RSPH3: variants seen among roughly 807,000 people sequenced by gnomAD.
The protein encoded by RSPH3 is radial spoke head 3.
In RSPH3, 21 loss-of-function variants were observed where a neutral mutation model predicts 43.8. The observed-to-expected ratio is 0.48, with a 90% CI of 0.34 to 0.69. The LOEUF (loss-of-function observed/expected upper bound fraction) is 0.69. RSPH3 is among the 30% of genes least tolerant of loss of function. The pLI, the probability that RSPH3 is intolerant of heterozygous loss-of-function variation, is 0.01. For synonymous variants in RSPH3, 173 were observed against 179.8 expected (o/e 0.96, Z 0.30); for missense variants, 487 against 516.0 (o/e 0.94, Z 0.54).
Position 158,977,483 on chromosome 6 carries a change from C to G in RSPH3, c.*55G>C. The G allele has an allele frequency of 6.7e-7, 1 of 1,487,916 alleles. No homozygotes were observed. Among genetic ancestry groups the G allele is most frequent in the Admixed American group, 2.0e-5 (1 of 50,144 alleles). 92.2% of individuals were successfully genotyped at this position (1,487,916 alleles called of 1,614,324 possible). On this transcript the variant is annotated 3_prime_UTR_variant, in exon 8 of 8. Transcript: ENST00000367069. ...CCTGAGGGGACTCGCACATCATTAC[C>G]TGATTGCTTGCTGACTTGGCTGTTG...
rs540701077 is a variant in RSPH3, at chr6:158,982,895, A to C, written c.493-207T>G. ...AAAAATCTGTTAAGTCAAAGTTATG[A>C]AAAAAACCTACGCATTCATCAAAAT... On this transcript the variant is annotated intron_variant, in intron 4 of 7. Transcript: ENST00000367069. Among the ~76,000 whole-genome samples, 131 of 152,308 alleles carry C rather than the reference A, an allele frequency of 8.6e-4. 1 individual carries two copies. The highest frequency in any genetic ancestry group is 3.1e-3 in the African/African-American group (128 of 41,558).
downstream of RSPH3, among the ~76,000 whole-genome samples, chr6:158,970,798 G>A (rs911043505): frequency 6.6e-6 from 1 of 152,084 alleles, no homozygotes; most frequent in South Asian, 2.1e-4. Flanking sequence ...TGATTCACCT[G>A]CCTTGGCCTG....
chr6:158,966,577 A>G, the RSPH3 span, among the ~76,000 whole-genome samples: 2 of 152,202 alleles, frequency 1.3e-5, no homozygotes, highest in East Asian at 1.9e-4. Flanking sequence ...GAATTTGTCA[A>G]TGTCATCTAA....
At position 158,986,385 on chromosome 6, in the gene RSPH3, G is replaced by T; in HGVS notation, c.241C>A (p.Arg81=). Residue 81 remains arginine (R), a synonymous_variant, in exon 3 of 8, where the codon CGG becomes AGG. Transcript: ENST00000367069. ...GCAAGAGCCCTCTTCCTAGCCTCCC[G>T]TTGTCTCTGGAGCTCTAGAGAATCA... ...RPDSLELQRQ[R]EARKRALARK... The T allele has an allele frequency of 6.2e-7, 1 of 1,613,838 alleles. No individual in the cohort carries two copies. Among genetic ancestry groups the T allele is most frequent in the Non-Finnish European group, 8.5e-7 (1 of 1,179,778 alleles).
At chr6:158,996,442 G>A (rs1443413590) in intron 1 of RSPH3, among the ~76,000 whole-genome samples, 1 of 152,192 alleles carries the variant, frequency 6.6e-6, no homozygotes, top group Non-Finnish European at 1.5e-5. Flanking sequence ...TTAGACTTGT[G>A]TTAAATTTCT....
intron 1 of RSPH3, among the ~76,000 whole-genome samples, chr6:158,994,564 T>C (rs373980285): frequency 3.3e-5 from 5 of 152,232 alleles, no homozygotes; most frequent in South Asian, 2.1e-4. Context: ...GGCATGATAA[T>C]GGTTTCAGCC....
downstream of RSPH3, among the ~76,000 whole-genome samples, chr6:158,968,984 C>G (rs1777662802): frequency 6.6e-6 from 1 of 152,134 alleles, no homozygotes; most frequent in Non-Finnish European, 1.5e-5. Context: ...ACATTAGAAG[C>G]CCATTAATAC....
intron 2 of RSPH3, 85 bp downstream of exon 2, chr6:158,993,754 C>T (rs759330201): frequency 1.4e-4 from 104 of 718,048 alleles, no homozygotes; most frequent in African/African-American, 4.9e-4. Context: ...TAGTCTGCAA[C>T]GGATTAGAAA....
At chr6:158,983,476 G>A (rs537739299) in intron 4 of RSPH3, among the ~76,000 whole-genome samples, 186 bp downstream of exon 4, 8 of 152,078 alleles carry the variant, frequency 5.3e-5, no homozygotes, top group South Asian at 2.1e-4. Flanking sequence ...CAAAGAAATC[G>A]GAACATGGTA....
At position 159,000,047 on chromosome 6, in the gene RSPH3, T is replaced by C; in HGVS notation, c.-497A>G. 3.5e-6 allele frequency: 5 copies of C among 1,446,610 alleles called. No homozygotes were observed. The highest frequency in any genetic ancestry group is 4.6e-6 in the Non-Finnish European group (5 of 1,081,698). 89.6% of individuals were successfully genotyped at this position (1,446,610 alleles called of 1,614,324 possible). On this transcript the variant is annotated 5_prime_UTR_variant, in exon 1 of 8. Transcript: ENST00000367069. ...GGAATGTGGCTTTGCAGGGCTGGTG[T>C]TGGCGCCATTCTCGCAGGCCCACGT...
intron 5 of RSPH3, 142 bp from the exon 6 acceptor site, chr6:158,981,078 A>T (rs1778018993): frequency 1.4e-6 from 1 of 724,244 alleles, no homozygotes; most frequent in African/African-American, 1.7e-5. Context: ...CATATTTTTC[A>T]TCAAAAATTT....
At chr6:158,968,655 A>G (rs1777657862), downstream of RSPH3, among the ~76,000 whole-genome samples, 1 of 152,184 alleles carries the variant, frequency 6.6e-6, no homozygotes. Flanking sequence ...GAGTATACAA[A>G]AAGTTTTCTC....
chr6:158,980,782 A>T lies in RSPH3; in HGVS notation c.851T>A (p.Ile284Asn). The change falls in exon 6 of 8, where the codon ATT (isoleucine) becomes AAT (asparagine). Residue 284 changes from isoleucine to asparagine, a missense_variant. Transcript: ENST00000367069. Reference protein sequence around the residue: ...LRDSGYFYDPIERDIEIGFLP... With the variant: ...LRDSGYFYDPNERDIEIGFLP... ...CAAAAATATCTACAAACCTCTTTCA[A>T]TGGGATCATAAAAGTAGCCACTATC... The T allele has an allele frequency of 6.2e-7, 1 of 1,613,304 alleles. No individual in the cohort carries two copies. The highest frequency in any genetic ancestry group is 1.1e-5 in the South Asian group (1 of 91,044).
downstream of RSPH3, among the ~76,000 whole-genome samples, chr6:158,972,048 T>C (rs1295026381): frequency 1.3e-5 from 2 of 152,108 alleles, no homozygotes; most frequent in Non-Finnish European, 2.9e-5. Flanking sequence ...TTGGGGTACA[T>C]GATAGGGCTG....
chr6:158,981,004 TAGTA>T, intron 5 of RSPH3, 68 bp from the exon 6 acceptor site: 1 of 1,494,298 alleles, frequency 6.7e-7, no homozygotes, highest in Non-Finnish European at 9.3e-7. Flanking sequence ...CTAGTGAAGT[TAGTA>T]AGTACAAGAA....
intron 5 of RSPH3, 91 bp from the exon 6 acceptor site, chr6:158,981,027 T>A: frequency 2.4e-6 from 3 of 1,253,912 alleles, no homozygotes; most frequent in African/African-American, 1.5e-5. Context: ...AATCCAGACT[T>A]ATCAAAAAAT....
downstream of RSPH3, among the ~76,000 whole-genome samples, chr6:158,970,092 T>G (rs928530231): frequency 2.6e-5 from 4 of 152,116 alleles, no homozygotes; most frequent in Non-Finnish European, 4.4e-5. Context: ...TCTTTTTTTT[T>G]GCTGAAAATT....
the RSPH3 span, among the ~76,000 whole-genome samples, chr6:158,965,066 C>T: frequency 6.6e-6 from 1 of 152,010 alleles, no homozygotes; most frequent in Non-Finnish European, 1.5e-5. Flanking sequence ...TCATTCTTCC[C>T]TTATTGAATG....
At chr6:158,992,199 G>A (rs1016802097) in intron 2 of RSPH3, among the ~76,000 whole-genome samples, 1 of 151,530 alleles carries the variant, frequency 6.6e-6, no homozygotes, top group East Asian at 1.9e-4. Flanking sequence ...TTTTAATCAC[G>A]TATTTCTTGA....
Sources: allele counts gnomAD v4.1 joint callset (sites outside exome capture counted in the v4.1 genomes callset), GRCh38; gene constraint gnomAD v4.1.1; transcripts MANE v1.5; gene names NCBI Gene and HGNC (gene_info 2026-07-23, HGNC 2026-07-21).